The following PCDH11X variants were observed in gnomAD, a reference collection of about 807,000 sequenced individuals.
PCDH11X encodes protocadherin-11 X-linked.
PCDH11X carries 18 observed loss-of-function variants against 53.3 expected under a neutral mutation model. The ratio of observed to expected loss-of-function variants is 0.34; its 90% CI spans 0.23 to 0.50. The LOEUF (loss-of-function observed/expected upper bound fraction) is 0.50. PCDH11X is among the 20% of genes least tolerant of loss of function. PCDH11X has a pLI of 0.98. For missense variants in PCDH11X, 570 were observed against 1,032.4 expected (o/e 0.55, Z 6.14); for synonymous variants, 279 against 393.3 (o/e 0.71, Z 3.44).
intron 7 of PCDH11X, among the ~76,000 whole-genome samples, chrX:92,214,516 G>A (rs1358959271): frequency 9.0e-6 from 1 of 111,462 alleles, no homozygotes; most frequent in Non-Finnish European, 1.9e-5. Context: ...CATTCTTGTA[G>A]AATTGCCATG....
rs1369545815 is a variant in PCDH11X at position 92,261,419 on chromosome X, G to A, written c.3115-1695G>A. On this transcript the variant is annotated intron_variant, in intron 7 of 10. Transcript: ENST00000682573. ...TTTTTCAGTAAAATGATAAGGAAAG[G>A]AAATGCTCACCCCAACTTCTTCATT... Among the ~76,000 whole-genome samples, 5 of 111,685 alleles carry A rather than the reference G, an allele frequency of 4.5e-5. No homozygotes were observed. In the East Asian group the frequency reaches 8.5e-4, roughly 19 times the overall value.
chrX:92,546,822 T>A (rs2074863298), intron 10 of PCDH11X, among the ~76,000 whole-genome samples: 1 of 111,964 alleles, frequency 8.9e-6, no homozygotes, highest in Non-Finnish European at 1.9e-5. Flanking sequence ...TATCTGAAAG[T>A]GAGCTTTAGA....
chrX:92,180,194 A>T (rs371042227), intron 6 of PCDH11X, among the ~76,000 whole-genome samples: 2 of 111,041 alleles, frequency 1.8e-5, no homozygotes, highest in Non-Finnish European at 3.8e-5. Flanking sequence ...GAAGCACTAC[A>T]TTCTGTTTAA....
intron 10 of PCDH11X, among the ~76,000 whole-genome samples, chrX:92,549,706 A>T (rs1290883681): frequency 9.2e-6 from 1 of 108,998 alleles, no homozygotes; most frequent in Non-Finnish European, 1.9e-5. Context: ...AGAGCAAAAA[A>T]CATCTATGGT....
chrX:92,376,027 T>C (rs1275065570), intron 8 of PCDH11X, among the ~76,000 whole-genome samples: 1 of 111,645 alleles, frequency 9.0e-6, no homozygotes, highest in Non-Finnish European at 1.9e-5. Context: ...TGAATGCATG[T>C]GCATGTGTGT....
chrX:92,447,421 C>T (rs1488062199), intron 9 of PCDH11X, among the ~76,000 whole-genome samples: 2 of 111,200 alleles, frequency 1.8e-5, no homozygotes, highest in African/African-American at 6.5e-5. Context: ...ATCCCAGCCA[C>T]TCCAGCCACA....
At chrX:92,125,965 A>G (rs887928318) in intron 6 of PCDH11X, among the ~76,000 whole-genome samples, 45 of 109,542 alleles carry the variant, frequency 4.1e-4, no homozygotes, top group Non-Finnish European at 6.8e-4. Flanking sequence ...CGTCTCTACT[A>G]AAAATACAAA....
chrX:92,499,748 C>G (rs2073928276), intron 10 of PCDH11X, among the ~76,000 whole-genome samples: 1 of 100,706 alleles, frequency 9.9e-6, no homozygotes, highest in Non-Finnish European at 2.0e-5. Context: ...GGGATGACCA[C>G]TTGAGCCTGG....
chrX:92,434,365 A>G (rs1172805618), intron 9 of PCDH11X, among the ~76,000 whole-genome samples: 1 of 109,298 alleles, frequency 9.1e-6, no homozygotes, highest in Non-Finnish European at 1.9e-5. Flanking sequence ...TTTCATTGAC[A>G]TAGCTTAAGA....
intron 8 of PCDH11X, among the ~76,000 whole-genome samples, chrX:92,312,548 T>C (rs1247085768): frequency 1.8e-5 from 2 of 110,621 alleles, no homozygotes; most frequent in Non-Finnish European, 3.8e-5. Context: ...ATCACTGACG[T>C]AAATACTCCA....
chrX:91,816,860 T>C (rs1273835723), intron 4 of PCDH11X, among the ~76,000 whole-genome samples: 1 of 108,387 alleles, frequency 9.2e-6, no homozygotes, highest in East Asian at 3.0e-4. Context: ...AAGACAGTGA[T>C]GAAGTTACAT....
intron 6 of PCDH11X, among the ~76,000 whole-genome samples, chrX:92,071,335 TA>T (rs2063699478): frequency 9.0e-6 from 1 of 110,914 alleles, no homozygotes; most frequent in South Asian, 3.8e-4. Flanking sequence ...TTGTTGGATT[TA>T]TCTGATAAAA....
intron 8 of PCDH11X, among the ~76,000 whole-genome samples, chrX:92,282,603 TA>T (rs1470165709): frequency 9.0e-6 from 1 of 111,660 alleles, no homozygotes; most frequent in Non-Finnish European, 1.9e-5. Flanking sequence ...TGAATTATGC[TA>T]AAATAAAATA....
At chrX:92,126,616 T>TA (rs1410784433) in intron 6 of PCDH11X, among the ~76,000 whole-genome samples, 2 of 106,147 alleles carry the variant, frequency 1.9e-5, no homozygotes, top group Non-Finnish European at 3.9e-5. Context: ...TCTCAAAAAA[T>TA]AAAAAATAAA....
chrX:92,264,908 A>G (rs2148417933), intron 8 of PCDH11X, among the ~76,000 whole-genome samples: 1 of 99,895 alleles, frequency 1.0e-5, no homozygotes, highest in East Asian at 2.9e-4. Flanking sequence ...GTCAAATAAA[A>G]CAAATCTGGA....
At chrX:92,123,790 A>G (rs1033262323) in intron 6 of PCDH11X, among the ~76,000 whole-genome samples, 41 of 106,578 alleles carry the variant, frequency 3.8e-4, no homozygotes, top group African/African-American at 1.3e-3. Flanking sequence ...CTCAGAATAG[A>G]TAGAATGTTA....
intron 10 of PCDH11X, among the ~76,000 whole-genome samples, chrX:92,579,001 A>G (rs1923316814): frequency 9.1e-6 from 1 of 109,407 alleles, no homozygotes; most frequent in Admixed American, 9.9e-5. Flanking sequence ...TCCTTCACTT[A>G]TGAAGCTTAG....
At chrX:91,918,344 GTA>G (rs1469814230) in intron 6 of PCDH11X, among the ~76,000 whole-genome samples, 1 of 108,394 alleles carries the variant, frequency 9.2e-6, no homozygotes, top group African/African-American at 3.3e-5. Flanking sequence ...AGGAGATCAA[GTA>G]TAAAAGTGTT....
chrX:92,125,722 A>T (rs1257446758), intron 6 of PCDH11X, among the ~76,000 whole-genome samples: 1 of 110,245 alleles, frequency 9.1e-6, no homozygotes, highest in Non-Finnish European at 1.9e-5. Context: ...ATATGTATAC[A>T]CGTGCCATGT....
Sources: gnomAD v4.1 joint callset for allele counts (sites outside exome capture counted in the v4.1 genomes callset) on GRCh38, gnomAD v4.1.1 for gene constraint, MANE v1.5 for transcripts, NCBI Gene and HGNC (gene_info 2026-07-23, HGNC 2026-07-21) for gene names.